The following COL11A1 variants were observed in gnomAD, a reference collection of about 807,000 sequenced individuals.
The protein encoded by COL11A1 is collagen type XI alpha 1 chain, also known as collagen alpha-1(XI) chain.
A neutral mutation model predicts 265.2 loss-of-function variants in COL11A1; 74 were observed. The ratio of observed to expected loss-of-function variants is 0.28; its 90% CI spans 0.23 to 0.34. The LOEUF (loss-of-function observed/expected upper bound fraction) is 0.34. COL11A1 is among the 10% of genes least tolerant of loss of function. The pLI is 1.00. For missense variants in COL11A1, 2,165 were observed against 2,263.6 expected (o/e 0.96, Z 0.88); for synonymous variants, 816 against 727.6 (o/e 1.12, Z -1.96).
At position 102,947,130 on chromosome 1, in the gene COL11A1, A is replaced by G. The variant is rs112522521; in HGVS notation, c.3169-174T>C. ...AGTTGAATCCACTATTTGAGAGACTAATTTCCAGCCCCAATATTAAGCATA... is the reference window on the plus strand; with the variant it reads ...AGTTGAATCCACTATTTGAGAGACTGATTTCCAGCCCCAATATTAAGCATA... On this transcript the variant is annotated intron_variant, in intron 41 of 66. Coordinates refer to ENST00000370096, the MANE Select transcript of COL11A1 (RefSeq NM_001854.4). 0.034 allele frequency among the ~76,000 whole-genome samples: 5,104 copies of G among 152,262 alleles called. 311 individuals are homozygous for G. The highest frequency in any genetic ancestry group is 0.12 in the African/African-American group (4,852 of 41,532).
chr1:102,969,284 T>C (rs1265869682), intron 37 of COL11A1, among the ~76,000 whole-genome samples: 2 of 152,136 alleles, frequency 1.3e-5, no homozygotes, highest in African/African-American at 4.8e-5. Context: ...AAAAATCATA[T>C]TTTTTTCAGA....
chr1:103,066,946 G>GTCTCTATCT (rs1671204254), intron 4 of COL11A1, among the ~76,000 whole-genome samples: 1 of 151,688 alleles, frequency 6.6e-6, no homozygotes, highest in South Asian at 2.1e-4. Context: ...GAGATAGAGA[G>GTCTCTATCT]CTATTTCACA....
chr1:102,988,215 C>A (rs1459541564), intron 29 of COL11A1, among the ~76,000 whole-genome samples: 1 of 152,122 alleles, frequency 6.6e-6, no homozygotes, highest in Non-Finnish European at 1.5e-5. Flanking sequence ...ATTTAACTGG[C>A]CTCATGTTCC....
At chr1:102,904,355 A>G (rs1460247306) in intron 54 of COL11A1, among the ~76,000 whole-genome samples, 1 of 152,166 alleles carries the variant, frequency 6.6e-6, no homozygotes, top group Non-Finnish European at 1.5e-5. Flanking sequence ...AATGGCAACA[A>G]AAGCCAAAAT....
intron 62 of COL11A1, 131 bp from the exon 63 acceptor site, chr1:102,887,187 T>C: frequency 9.4e-7 from 1 of 1,063,996 alleles, no homozygotes; most frequent in Non-Finnish European, 1.4e-6. Context: ...ACAAAATTTA[T>C]GCTATAGGAT....
chr1:102,974,177 G>GGAAAA (rs1444977581), intron 36 of COL11A1, among the ~76,000 whole-genome samples: 5 of 38,730 alleles, frequency 1.3e-4, no homozygotes, highest in African/African-American at 3.8e-4. Context: ...TGAGGAGGTT[G>GGAAAA]CAAAACAAAC....
chr1:103,101,338 T>G (rs549061948), intron 1 of COL11A1, among the ~76,000 whole-genome samples: 1 of 152,070 alleles, frequency 6.6e-6, no homozygotes, highest in Admixed American at 6.6e-5. Flanking sequence ...CAGTCAGCAG[T>G]AGGTTGAGCT....
At chr1:102,990,299 A>C (rs1664007656) in intron 28 of COL11A1, among the ~76,000 whole-genome samples, 1 of 151,102 alleles carries the variant, frequency 6.6e-6, no homozygotes, top group Non-Finnish European at 1.5e-5. Flanking sequence ...ATTTTCCCTT[A>C]ATTTACTAAT....
intron 5 of COL11A1, among the ~76,000 whole-genome samples, chr1:103,027,806 T>G (rs954684423): frequency 6.6e-6 from 1 of 152,124 alleles, no homozygotes; most frequent in African/African-American, 2.4e-5. Context: ...AATTGAAATC[T>G]GCTATTCAAG....
intron 3 of COL11A1, 51 bp downstream of exon 3, chr1:103,078,607 A>C: frequency 2.0e-6 from 3 of 1,515,844 alleles, no homozygotes; most frequent in Non-Finnish European, 2.7e-6. Context: ...GTGACTGAAT[A>C]AAAAAAATGA....
chr1:102,996,998 A>G, intron 26 of COL11A1, 82 bp downstream of exon 26: 1 of 1,117,942 alleles, frequency 8.9e-7, no homozygotes, highest in Admixed American at 1.7e-5. Context: ...AACGTGATTT[A>G]TATATATGAG....
At chr1:103,045,842 C>T (rs544757749) in intron 4 of COL11A1, among the ~76,000 whole-genome samples, 21 of 144,184 alleles carry the variant, frequency 1.5e-4, no homozygotes, top group Non-Finnish European at 3.0e-4. Context: ...TTATTCAATT[C>T]CCACCTGAGT....
intron 1 of COL11A1, 37 bp from the exon 2 acceptor site, chr1:103,083,009 A>G: frequency 1.3e-6 from 2 of 1,591,378 alleles, no homozygotes; most frequent in Non-Finnish European, 1.7e-6. Flanking sequence ...CCAGAATTGA[A>G]CAACGATCTG....
chr1:102,900,464 A>C (rs1229830062), intron 54 of COL11A1, among the ~76,000 whole-genome samples: 2 of 152,160 alleles, frequency 1.3e-5, no homozygotes, highest in Non-Finnish European at 2.9e-5. Flanking sequence ...TTTGGGAAAT[A>C]GAAATAATGA....
Position 102,989,404 on chromosome 1 carries a change from G to A in COL11A1, c.2394+114C>T, listed in dbSNP as rs1570958177. The A allele has an allele frequency of 1.4e-5, 8 of 558,604 alleles. No homozygotes were observed. The East Asian group carries it at 2.0e-4, about 14-fold the overall frequency. The allele number at this position is 558,604 out of a possible 1,614,324, so 34.6% of individuals were successfully genotyped here. A position where few individuals can be genotyped will look rare whatever the true frequency, so the allele number is the denominator to read the frequency against. Reference sequence around the variant, plus strand: ...AAAAACTTAAATGAGTAAAGACTTAGGTAGTACAAACATTTTATTTATCAT... The same window carrying A: ...AAAAACTTAAATGAGTAAAGACTTAAGTAGTACAAACATTTTATTTATCAT... On this transcript the variant is annotated intron_variant, in intron 29 of 66. Transcript: ENST00000370096.
chr1:102,942,636 G>C (rs1658852961), intron 42 of COL11A1, among the ~76,000 whole-genome samples: 1 of 151,874 alleles, frequency 6.6e-6, no homozygotes, highest in Non-Finnish European at 1.5e-5. Flanking sequence ...GTTTGATTTG[G>C]CATGGTCTTA....
rs114174383 is a variant in COL11A1 at position 102,988,769 on chromosome 1, T to A, written c.2394+749A>T. ...GAGGGAAAAATAATAATAAAGATTGTTCAGCAGCTTTGGAAATTACTGTTT... is the reference window on the plus strand; with the variant it reads ...GAGGGAAAAATAATAATAAAGATTGATCAGCAGCTTTGGAAATTACTGTTT... On this transcript the variant is annotated intron_variant, in intron 29 of 66. Transcript: ENST00000370096. Among the ~76,000 whole-genome samples, 350 of 152,268 alleles carry A rather than the reference T, an allele frequency of 2.3e-3. 1 individual carries two copies. The highest frequency in any genetic ancestry group is 8.3e-3 in the African/African-American group (344 of 41,564).
At chr1:102,916,197 G>A (rs1253868688) in intron 49 of COL11A1, among the ~76,000 whole-genome samples, 1 of 152,146 alleles carries the variant, frequency 6.6e-6, no homozygotes, top group Non-Finnish European at 1.5e-5. Context: ...TATAATATAT[G>A]TAAAGGTACT....
intron 50 of COL11A1, 26 bp from the exon 51 acceptor site, chr1:102,914,837 G>GAAGA: frequency 9.9e-7 from 1 of 1,005,572 alleles, no homozygotes; most frequent in Non-Finnish European, 1.4e-6. Context: ...AAAAAAAAAA[G>GAAGA]AAGAAGAAGG....
Sources: gnomAD v4.1 joint callset for allele counts (sites outside exome capture counted in the v4.1 genomes callset) on GRCh38, gnomAD v4.1.1 for gene constraint, MANE v1.5 for transcripts, NCBI Gene and HGNC (gene_info 2026-07-23, HGNC 2026-07-21) for gene names.